Variants in EYA4 observed in about 807,000 individuals in gnomAD.
The protein encoded by EYA4 is protein phosphatase EYA4.
A neutral mutation model predicts 87.9 loss-of-function variants in EYA4; 31 were observed. The ratio of observed to expected loss-of-function variants is 0.35; its 90% confidence interval spans 0.27 to 0.48. The LOEUF (loss-of-function observed/expected upper bound fraction) is 0.48, where lower values mean the gene tolerates loss of function less well. EYA4 is among the 20% of genes least tolerant of loss of function. The pLI is 0.99. For synonymous variants in EYA4, 263 were observed against 270.6 expected, an observed-to-expected ratio of 0.97 and a Z score of 0.28; for missense variants, 678 against 761.4, an observed-to-expected ratio of 0.89 and a Z score of 1.29.
intron 2 of EYA4, among the ~76,000 whole-genome samples, chr6:133,286,025 G>A (rs1383659972): frequency 6.6e-6 from 1 of 152,160 alleles, no homozygotes. Flanking sequence ...CAGTTCAGCA[G>A]GGCCATATAA....
At chr6:133,268,223 G>A (rs1393874650) in intron 1 of EYA4, among the ~76,000 whole-genome samples, 1 of 152,092 alleles carries the variant, frequency 6.6e-6, no homozygotes, top group Non-Finnish European at 1.5e-5. Context: ...TCCTCAGTAA[G>A]TGTATATATA....
chr6:133,360,968 A>C lies in EYA4; in HGVS notation c.34-21424A>C, dbSNP rs78340954. 6.3e-3 allele frequency among the ~76,000 whole-genome samples: 956 copies of C among 152,306 alleles called. 63 individuals carry two copies. In the East Asian group the frequency reaches 0.15, roughly 25 times the overall value. On this transcript the variant is annotated intron_variant, in intron 2 of 19. Coordinates refer to ENST00000355286, the MANE Select transcript of EYA4 (RefSeq NM_004100.5). ...TAGGGAAGACACAGAAGCGCTTTAG[A>C]CTGGAATATTGTGAACCTACTCTTG...
At chr6:133,326,522 T>G (rs1781510334) in intron 2 of EYA4, among the ~76,000 whole-genome samples, 2 of 152,166 alleles carry the variant, frequency 1.3e-5, no homozygotes, top group Admixed American at 6.5e-5. Context: ...AGAACTGAAA[T>G]AATGTGTCTT....
intron 17 of EYA4, among the ~76,000 whole-genome samples, chr6:133,516,206 A>G (rs879293056): frequency 6.6e-6 from 1 of 152,166 alleles, no homozygotes; most frequent in Non-Finnish European, 1.5e-5. Flanking sequence ...GGACACATAT[A>G]GGGAAACAAC....
intron 13 of EYA4, among the ~76,000 whole-genome samples, chr6:133,497,494 G>A (rs776461498): frequency 1.3e-5 from 2 of 152,044 alleles, no homozygotes; most frequent in Admixed American, 6.6e-5. Context: ...GGTGAATGAG[G>A]AACCTTGCTA....
At chr6:133,501,414 A>G (rs2128749633) in intron 13 of EYA4, among the ~76,000 whole-genome samples, 1 of 152,216 alleles carries the variant, frequency 6.6e-6, no homozygotes, top group Non-Finnish European at 1.5e-5. Context: ...TAGTCACTCA[A>G]TAAATATATG....
At chr6:133,322,804 C>G (rs1488392328) in intron 2 of EYA4, among the ~76,000 whole-genome samples, 1 of 151,880 alleles carries the variant, frequency 6.6e-6, no homozygotes, top group African/African-American at 2.4e-5. Flanking sequence ...CAGAATGAAC[C>G]AATATATAGA....
At chr6:133,434,853 A>G (rs1340347853) in intron 3 of EYA4, among the ~76,000 whole-genome samples, 1 of 152,192 alleles carries the variant, frequency 6.6e-6, no homozygotes, top group Non-Finnish European at 1.5e-5. Flanking sequence ...GTTTCTTAGT[A>G]CAATTGATGG....
rs992191536 is a variant in EYA4 at position 133,509,916 on chromosome 6, C to T, written c.1282-2805C>T. On this transcript the variant is annotated intron_variant, in intron 14 of 19. Coordinates refer to ENST00000355286, the MANE Select transcript of EYA4 (RefSeq NM_004100.5). ...AAATAATTGAAGGACAATTATTTAGCTTTTTCTAAAAATGTAAATAATGGA... is the reference window on the plus strand; with the variant it reads ...AAATAATTGAAGGACAATTATTTAGTTTTTTCTAAAAATGTAAATAATGGA... Among the ~76,000 whole-genome samples the T allele has an allele frequency of 2.6e-5, 4 of 152,204 alleles. No individual in the cohort carries two copies. The South Asian group carries it at 8.3e-4, about 32-fold the overall frequency.
At chr6:133,289,690 T>A (rs1778333162) in intron 2 of EYA4, among the ~76,000 whole-genome samples, 1 of 152,160 alleles carries the variant, frequency 6.6e-6, no homozygotes, top group Non-Finnish European at 1.5e-5. Context: ...TGGGTCAAAT[T>A]TGACAATAGA....
intron 2 of EYA4, among the ~76,000 whole-genome samples, chr6:133,378,237 G>A (rs528521725): frequency 6.6e-6 from 1 of 152,220 alleles, no homozygotes; most frequent in South Asian, 2.1e-4. Context: ...GCCTTAAGTT[G>A]TAATTCCAGC....
intron 3 of EYA4, among the ~76,000 whole-genome samples, chr6:133,418,769 T>C (rs1199517696): frequency 6.6e-6 from 1 of 152,184 alleles, no homozygotes; most frequent in Non-Finnish European, 1.5e-5. Flanking sequence ...ACCAAATAGA[T>C]ATGAGGGATC....
At chr6:133,349,298 G>C (rs994807766) in intron 2 of EYA4, among the ~76,000 whole-genome samples, 1 of 152,052 alleles carries the variant, frequency 6.6e-6, no homozygotes, top group Non-Finnish European at 1.5e-5. Context: ...ACATTCTCTA[G>C]GTAGCATAAT....
chr6:133,362,341 T>G (rs1784509217), intron 2 of EYA4, among the ~76,000 whole-genome samples: 1 of 152,186 alleles, frequency 6.6e-6, no homozygotes, highest in African/African-American at 2.4e-5. Context: ...TTGACTAGTC[T>G]TTGGGCCGTT....
At chr6:133,447,590 T>G (rs1457867150) in intron 4 of EYA4, among the ~76,000 whole-genome samples, 3 of 152,204 alleles carry the variant, frequency 2.0e-5, no homozygotes, top group Non-Finnish European at 2.9e-5. Flanking sequence ...TTCTTTTAAA[T>G]TTTAAATAAA....
At chr6:133,349,196 T>G (rs1583027363) in intron 2 of EYA4, among the ~76,000 whole-genome samples, 2 of 152,372 alleles carry the variant, frequency 1.3e-5, no homozygotes, top group Admixed American at 6.5e-5. Context: ...ATCTTTTGAA[T>G]AAAGCTTTCC....
intron 11 of EYA4, among the ~76,000 whole-genome samples, chr6:133,469,762 C>A (rs1267739809): frequency 6.6e-6 from 1 of 151,850 alleles, no homozygotes; most frequent in Non-Finnish European, 1.5e-5. Context: ...TGGTGGAAAT[C>A]TTTGTGACCC....
chr6:133,461,650 C>T (rs762386167), intron 7 of EYA4, among the ~76,000 whole-genome samples: 5 of 151,954 alleles, frequency 3.3e-5, no homozygotes, highest in East Asian at 1.9e-4. Context: ...ATCAGCCAGA[C>T]GTGCCAAGAT....
At chr6:133,383,540 A>AAAAAAAAAAAAAAAAC (rs1786435183) in intron 3 of EYA4, among the ~76,000 whole-genome samples, 1 of 150,434 alleles carries the variant, frequency 6.6e-6, no homozygotes, top group Non-Finnish European at 1.5e-5. Context: ...AAAAAAAAAA[A>AAAAAAAAAAAAAAAAC]AAAAATGTAA....
Sources: gnomAD v4.1 joint callset for allele counts (sites outside exome capture counted in the v4.1 genomes callset) on GRCh38, gnomAD v4.1.1 for gene constraint, MANE v1.5 for transcripts, NCBI Gene and HGNC (gene_info 2026-07-23, HGNC 2026-07-21) for gene names.